Variants in CCDC7 observed in about 807,000 individuals in gnomAD.
The protein encoded by CCDC7 is coiled-coil domain containing 7, also known as coiled-coil domain-containing protein 7.
Under a neutral mutation model 196.9 loss-of-function variants are expected in CCDC7, and 183 were observed. That is an observed-to-expected ratio of 0.93 (90% CI 0.82 to 1.05). CCDC7 has a LOEUF of 1.05. Among genes scored for constraint, CCDC7 ranks in the 50% least tolerant of loss-of-function variants. CCDC7 has a pLI of 0.00. For synonymous variants in CCDC7, 525 were observed against 484.6 expected (o/e 1.08, Z -1.10); for missense variants, 1,540 against 1,482.2 (o/e 1.04, Z -0.64).
intron 18 of CCDC7, among the ~76,000 whole-genome samples, chr10:32,616,168 T>A (rs960908919): frequency 1.3e-5 from 2 of 152,096 alleles, no homozygotes; most frequent in African/African-American, 2.4e-5. Flanking sequence ...CCATATGAAT[T>A]TTAGGATTAT....
chr10:32,610,669 G>A (rs2138725481), intron 18 of CCDC7, among the ~76,000 whole-genome samples: 1 of 152,198 alleles, frequency 6.6e-6, no homozygotes, highest in African/African-American at 2.4e-5. Context: ...GAGAACATGT[G>A]GTGTTTGGTT....
intron 30 of CCDC7, among the ~76,000 whole-genome samples, chr10:32,811,208 C>G (rs375041165): frequency 6.6e-6 from 1 of 151,620 alleles, no homozygotes; most frequent in South Asian, 2.1e-4. Context: ...AAGGATCAAC[C>G]AAATCAAAAC....
rs1446082407 is a variant in CCDC7, at chr10:32,461,728, TATGTATATATATATATATATATAC to T, written c.457-952_457-929del. On this transcript the variant is annotated intron_variant, in intron 3 of 41. Coordinates refer to ENST00000639629, the Ensembl canonical transcript of CCDC7. ...GTGTGTGTATATATATATATATATA[TATGTATATATATATATATATATAC>T]ATATATATATATGCACATATGTACA... Among the ~76,000 whole-genome samples, 654 of 32,922 alleles carry T rather than the reference TATGTATATATATATATATATATAC, an allele frequency of 0.02. 7 individuals carry two copies. The East Asian group carries it at 0.21, about 10-fold the overall frequency. The allele number at this position is 32,922 out of a possible 152,430, so 21.6% of individuals were successfully genotyped here.
intron 13 of CCDC7, among the ~76,000 whole-genome samples, chr10:32,556,128 T>G (rs1198974238): frequency 6.6e-6 from 1 of 152,184 alleles, no homozygotes; most frequent in Non-Finnish European, 1.5e-5. Flanking sequence ...TTATGGGAGC[T>G]ATTGTGAAGA....
At chr10:32,647,517 A>G (rs549089620) in intron 20 of CCDC7, among the ~76,000 whole-genome samples, 97 of 152,324 alleles carry the variant, frequency 6.4e-4, no homozygotes, top group African/African-American at 2.3e-3. Context: ...TGACTTTTTA[A>G]TAATAGCCAT....
At chr10:32,823,844 C>T (rs1487340798) in intron 31 of CCDC7, among the ~76,000 whole-genome samples, 1 of 152,182 alleles carries the variant, frequency 6.6e-6, no homozygotes. Context: ...AGTACCACTA[C>T]AAATATTCCC....
intron 11 of CCDC7, among the ~76,000 whole-genome samples, chr10:32,535,716 T>C (rs961311585): frequency 6.6e-6 from 1 of 152,132 alleles, no homozygotes; most frequent in Non-Finnish European, 1.5e-5. Flanking sequence ...TTTAGACCTT[T>C]AAGAGGTGCT....
chr10:32,826,737 C>T lies in CCDC7; in HGVS notation c.3268+2133C>T, dbSNP rs10827139. ...TTCTGCATGTTATGCAGGCACCACT[C>T]GAAAGTGGACAGCTGCAGCACTACA... On this transcript the variant is annotated intron_variant, in intron 32 of 41. Transcript: ENST00000639629. 3.2e-4 allele frequency among the ~76,000 whole-genome samples: 49 copies of T among 152,232 alleles called. No homozygotes were observed. In the East Asian group the frequency reaches 8.9e-3, roughly 28 times the overall value.
rs200529539 is a variant in CCDC7 at position 32,851,916 on chromosome 10, G to C, written c.4005G>C (p.Leu1335=). ...CTAAAGACATCCACCTTCCTTTACT[G>C]AATCAACTCCCTTCAGGTAATTTTT... is the stretch of plus-strand genomic sequence containing the variant. Residue 1335 remains leucine (L), a synonymous_variant, in exon 40 of 42, where the codon CTG becomes CTC. Coordinates refer to ENST00000639629, the Ensembl canonical transcript of CCDC7. 283 of 1,598,502 alleles carry C rather than the reference G, an allele frequency of 1.8e-4. 2 individuals carry two copies. The East Asian group carries it at 6.3e-3, about 35-fold the overall frequency.
At chr10:32,808,354 C>A (rs771557037) in intron 30 of CCDC7, among the ~76,000 whole-genome samples, 1 of 152,160 alleles carries the variant, frequency 6.6e-6, no homozygotes, top group African/African-American at 2.4e-5. Flanking sequence ...CAAAGCATGA[C>A]ACCCAAAGGC....
In CCDC7 at chr10:32,599,689, A is replaced by G. The variant is rs765912944; in HGVS notation, c.1801+15385A>G. 2.0e-4 allele frequency among the ~76,000 whole-genome samples: 31 copies of G among 152,156 alleles called. No homozygotes were observed. In the Middle Eastern group the frequency reaches 0.01, roughly 50 times the overall value. ...TTTATTTCAATAATATTAGGGGTAC[A>G]GTGTGTTTTGGTTACATGGATGAAT... On this transcript the variant is annotated intron_variant, in intron 18 of 41. Coordinates refer to ENST00000639629, the Ensembl canonical transcript of CCDC7.
chr10:32,680,420 GTTCT>G (rs1170287183), intron 21 of CCDC7, among the ~76,000 whole-genome samples: 2 of 135,956 alleles, frequency 1.5e-5, no homozygotes, highest in African/African-American at 2.4e-5. Context: ...ACACACATAT[GTTCT>G]TTCTTTTTTT....
rs181623202 is a variant in CCDC7, at chr10:32,506,178, C to T, written c.873-11767C>T. On this transcript the variant is annotated intron_variant, in intron 9 of 41. Coordinates refer to ENST00000639629, the Ensembl canonical transcript of CCDC7. Reference sequence around the variant, plus strand: ...GCAGAGGCGCTCCTCACTTCCCATTCGGGGCAGCCAGGCAGAGGCACTCCT... The same window carrying T: ...GCAGAGGCGCTCCTCACTTCCCATTTGGGGCAGCCAGGCAGAGGCACTCCT... 7.6e-3 allele frequency among the ~76,000 whole-genome samples: 1,086 copies of T among 142,474 alleles called. 9 individuals are homozygous for T. The highest frequency in any genetic ancestry group is 0.012 in the Non-Finnish European group (795 of 66,150). 93.5% of individuals were successfully genotyped at this position (142,474 alleles called of 152,430 possible).
At chr10:32,573,103 C>G (rs1427429944) in intron 16 of CCDC7, among the ~76,000 whole-genome samples, 1 of 152,082 alleles carries the variant, frequency 6.6e-6, no homozygotes, top group African/African-American at 2.4e-5. Flanking sequence ...GTCTCAAACT[C>G]CTGTCCTCAA....
At chr10:32,818,240 A>G (rs2089271442) in intron 31 of CCDC7, among the ~76,000 whole-genome samples, 1 of 152,240 alleles carries the variant, frequency 6.6e-6, no homozygotes, top group African/African-American at 2.4e-5. Flanking sequence ...AGAGATAAAG[A>G]AGGCCATTAC....
At position 32,754,814 on chromosome 10, in the gene CCDC7, C is replaced by T. The variant is rs573020199; in HGVS notation, c.2906-24163C>T. ...CCACAGAGTGTGAGCTGAAGCAGGG[C>T]GGGGCACTGCCTCACCCAGGAAGTG... On this transcript the variant is annotated intron_variant, in intron 28 of 41. Coordinates refer to ENST00000639629, the Ensembl canonical transcript of CCDC7. Among the ~76,000 whole-genome samples the T allele has an allele frequency of 2.0e-4, 30 of 152,122 alleles. No homozygotes were observed. In the East Asian group the frequency reaches 4.4e-3, roughly 23 times the overall value.
At chr10:32,674,040 T>C (rs114021042) in intron 21 of CCDC7, among the ~76,000 whole-genome samples, 4,272 of 151,948 alleles carry the variant, frequency 0.028, 219 homozygotes, top group African/African-American at 0.097. Context: ...CAATTTTCTT[T>C]ATCTTTTCAA....
intron 9 of CCDC7, among the ~76,000 whole-genome samples, chr10:32,496,069 T>G (rs2042871460): frequency 6.6e-6 from 1 of 152,198 alleles, no homozygotes; most frequent in Non-Finnish European, 1.5e-5. Flanking sequence ...CTTATTTCCT[T>G]GAGCTGTGGT....
At chr10:32,861,422 AAAGATGG>A (rs2093979739) in intron 41 of CCDC7, among the ~76,000 whole-genome samples, 2 of 152,060 alleles carry the variant, frequency 1.3e-5, no homozygotes, top group Non-Finnish European at 2.9e-5. Flanking sequence ...AAAATTAACT[AAAGATGG>A]ATTAAAGACT....
Sources: gnomAD v4.1 joint callset for allele counts (sites outside exome capture counted in the v4.1 genomes callset) on GRCh38, gnomAD v4.1.1 for gene constraint, MANE v1.5 for transcripts, NCBI Gene and HGNC (gene_info 2026-07-23, HGNC 2026-07-21) for gene names.